Variants in FRMD3 observed in about 807,000 individuals in gnomAD.
FRMD3 encodes FERM domain-containing protein 3.
A neutral mutation model predicts 70.2 loss-of-function variants in FRMD3; 33 were observed. The ratio of observed to expected loss-of-function variants is 0.47; its 90% confidence interval spans 0.36 to 0.63. FRMD3 has a LOEUF of 0.63. FRMD3 is among the 20% of genes least tolerant of loss of function. The pLI is 0.00. For synonymous variants in FRMD3, 279 were observed against 255.9 expected (o/e 1.09, Z -0.86); for missense variants, 632 against 711.4 (o/e 0.89, Z 1.27).
the FRMD3 span, among the ~76,000 whole-genome samples, chr9:83,577,096 A>G: frequency 0.029 from 4,436 of 152,218 alleles, 218 homozygotes; most frequent in African/African-American, 0.097. Flanking sequence ...ATAGAAAGAC[A>G]TATTATCCCA....
intron 13 of FRMD3, among the ~76,000 whole-genome samples, chr9:83,255,037 C>A (rs941606946): frequency 3.9e-5 from 6 of 152,120 alleles, no homozygotes; most frequent in Non-Finnish European, 8.8e-5. Context: ...TTTATGAGGG[C>A]AGCATCATCC....
chr9:83,362,174 GTTCT>G (rs1449839531), intron 3 of FRMD3, among the ~76,000 whole-genome samples: 1 of 87,728 alleles, frequency 1.1e-5, no homozygotes, highest in African/African-American at 4.9e-5. Context: ...GATGCTGTTG[GTTCT>G]CTCTCTCTCT....
intron 2 of FRMD3, among the ~76,000 whole-genome samples, chr9:83,382,028 T>C (rs1825371835): frequency 6.6e-6 from 1 of 151,716 alleles, no homozygotes; most frequent in Non-Finnish European, 1.5e-5. Flanking sequence ...AAAAAAAAAA[T>C]GATAGTTTGA....
chr9:83,257,218 G>A (rs1832749430), intron 13 of FRMD3, among the ~76,000 whole-genome samples: 1 of 152,184 alleles, frequency 6.6e-6, no homozygotes, highest in South Asian at 2.1e-4. Context: ...CATGTCCTTT[G>A]CAGGGACATG....
At chr9:83,439,155 G>A (rs183765829) in intron 1 of FRMD3, among the ~76,000 whole-genome samples, 18 of 152,146 alleles carry the variant, frequency 1.2e-4, no homozygotes, top group South Asian at 2.1e-4. Flanking sequence ...TTTATCTTTC[G>A]CTTAACACTT....
intron 6 of FRMD3, among the ~76,000 whole-genome samples, chr9:83,323,317 A>G (rs1300794837): frequency 6.6e-6 from 1 of 152,232 alleles, no homozygotes; most frequent in Non-Finnish European, 1.5e-5. Context: ...GGAATACTAT[A>G]CAGGCATGAA....
the FRMD3 span, among the ~76,000 whole-genome samples, chr9:83,567,770 G>A: frequency 3.9e-5 from 6 of 152,076 alleles, no homozygotes; most frequent in Non-Finnish European, 7.4e-5. Context: ...ATCTCTATAT[G>A]AGACCACCTC....
rs972155162 is a variant in FRMD3, at chr9:83,246,601, G to A, written c.*1317C>T. 2.1e-4 allele frequency: 202 copies of A among 984,248 alleles called. No individual in the cohort carries two copies. Among genetic ancestry groups the A allele is most frequent in the Non-Finnish European group, 2.2e-4 (182 of 829,766 alleles). The allele number at this position is 984,248 out of a possible 1,614,324, so 61.0% of individuals were successfully genotyped here. ...AAAGGAAAGGAGTATAATGACCACC[G>A]CAAAACATGATCATGGACATGTATC... On this transcript the variant is annotated 3_prime_UTR_variant, in exon 14 of 14. Coordinates refer to ENST00000304195, the MANE Select transcript of FRMD3 (RefSeq NM_174938.6).
At chr9:83,281,724 C>T (rs754471708) in intron 13 of FRMD3, 5 of 152,308 alleles carry the variant, frequency 3.3e-5, no homozygotes, top group Admixed American at 6.5e-5. Flanking sequence ...AGGGAGCGAG[C>T]TTCCTGTGGG....
intron 1 of FRMD3, among the ~76,000 whole-genome samples, chr9:83,446,542 G>A (rs1472690467): frequency 6.6e-6 from 1 of 151,554 alleles, no homozygotes; most frequent in African/African-American, 2.4e-5. Flanking sequence ...AGCTACTCGG[G>A]AGGCTGAGGC....
At chr9:83,454,960 CA>C (rs11453888) in intron 1 of FRMD3, among the ~76,000 whole-genome samples, 15 of 150,844 alleles carry the variant, frequency 9.9e-5, no homozygotes, top group African/African-American at 3.7e-4. Context: ...GATCCTGTCT[CA>C]AAAAAAAATT....
At chr9:83,284,056 ATGTTATT>A (rs1834087436) in intron 13 of FRMD3, among the ~76,000 whole-genome samples, 1 of 109,576 alleles carries the variant, frequency 9.1e-6, no homozygotes, top group Admixed American at 1.2e-4. Context: ...GCAAGCTAGG[ATGTTATT>A]TTTTTTTTTT....
chr9:83,565,001 G>A, the FRMD3 span, among the ~76,000 whole-genome samples: 7 of 152,172 alleles, frequency 4.6e-5, no homozygotes, highest in African/African-American at 1.7e-4. Context: ...GCTGCCTGGT[G>A]GGAGCTAACT....
chr9:83,504,960 C>T (rs1829150123), intron 1 of FRMD3, among the ~76,000 whole-genome samples: 1 of 152,126 alleles, frequency 6.6e-6, no homozygotes, highest in Admixed American at 6.5e-5. Flanking sequence ...CAGCTCACAT[C>T]AAACAACACG....
At chr9:83,488,634 C>T (rs1828739696) in intron 1 of FRMD3, among the ~76,000 whole-genome samples, 1 of 152,180 alleles carries the variant, frequency 6.6e-6, no homozygotes, top group South Asian at 2.1e-4. Flanking sequence ...ACTCAAAATT[C>T]ACTTTCTCCA....
the FRMD3 span, among the ~76,000 whole-genome samples, chr9:83,567,182 G>A: frequency 2.6e-5 from 4 of 152,200 alleles, no homozygotes; most frequent in Non-Finnish European, 4.4e-5. Context: ...CGTGGAAGCT[G>A]CCAAGGCTTG....
intron 1 of FRMD3, among the ~76,000 whole-genome samples, chr9:83,512,752 T>C (rs1829366468): frequency 2.0e-5 from 3 of 152,310 alleles, no homozygotes. Context: ...AAGTCACTAT[T>C]TCCTGGGAGG....
chr9:83,398,829 A>T (rs1366975958), intron 1 of FRMD3, among the ~76,000 whole-genome samples: 3 of 152,226 alleles, frequency 2.0e-5, no homozygotes, highest in African/African-American at 7.2e-5. Context: ...TGACTATAGT[A>T]GTGACCTAAA....
At chr9:83,369,841 T>A (rs1249433848) in intron 3 of FRMD3, among the ~76,000 whole-genome samples, 2 of 152,202 alleles carry the variant, frequency 1.3e-5, no homozygotes, top group African/African-American at 4.8e-5. Flanking sequence ...AAATATTGTT[T>A]GCAATTGTTA....
Sources: allele counts gnomAD v4.1 joint callset (sites outside exome capture counted in the v4.1 genomes callset), GRCh38; gene constraint gnomAD v4.1.1; transcripts MANE v1.5; gene names NCBI Gene and HGNC (gene_info 2026-07-23, HGNC 2026-07-21).